The following MIGA1 variants were observed in gnomAD, a reference collection of about 807,000 sequenced individuals.
MIGA1 encodes the protein mitoguardin 1.
Under a neutral mutation model 82.0 loss-of-function variants are expected in MIGA1, and 58 were observed. The observed-to-expected ratio is 0.71, with a 90% CI of 0.57 to 0.88. MIGA1 has a LOEUF of 0.88. Ranked by LOEUF, MIGA1 falls within the 40% of genes least tolerant of loss-of-function variation. The pLI is 0.00. For missense variants in MIGA1, 751 were observed against 749.1 expected, an observed-to-expected ratio of 1.00 and a Z score of -0.03; for synonymous variants, 249 against 253.6, an observed-to-expected ratio of 0.98 and a Z score of 0.17.
intron 5 of MIGA1, chr1:77,811,548 C>T: frequency 6.2e-7 from 1 of 1,607,866 alleles, no homozygotes; most frequent in South Asian, 1.1e-5. Flanking sequence ...ACTGTGTGGA[C>T]TGTAAAGCTG....
intron 8 of MIGA1, chr1:77,847,314 GCTA>G (rs890582368): frequency 1.1e-6 from 1 of 916,140 alleles, no homozygotes; most frequent in African/African-American, 1.6e-5. Context: ...TGCAGAAAAT[GCTA>G]CTGTGTATGA....
At chr1:77,851,259 T>TCTTTTTGAAA (rs1685038574) in intron 8 of MIGA1, among the ~76,000 whole-genome samples, 1 of 152,228 alleles carries the variant, frequency 6.6e-6, no homozygotes, top group Non-Finnish European at 1.5e-5. Flanking sequence ...TGTAAACAAA[T>TCTTTTTGAAA]ATAGTATTAC....
At chr1:77,849,197 C>T (rs1684952448) in intron 8 of MIGA1, among the ~76,000 whole-genome samples, 1 of 152,092 alleles carries the variant, frequency 6.6e-6, no homozygotes. Flanking sequence ...GCCAGGCATT[C>T]AAGACCAGCC....
rs1044079353 is a variant in MIGA1 at position 77,826,689 on chromosome 1, G to A, written c.895+11458G>A. 8.5e-5 allele frequency among the ~76,000 whole-genome samples: 13 copies of A among 152,248 alleles called. No individual in the cohort carries two copies. The East Asian group carries it at 1.7e-3, about 20-fold the overall frequency. Reference sequence around the variant, plus strand: ...CAGGATCTCACTATGTTGCCAGGCTGGTCTCGAGCTCCTGGGCTCAGGCAG... The same window carrying A: ...CAGGATCTCACTATGTTGCCAGGCTAGTCTCGAGCTCCTGGGCTCAGGCAG... On this transcript the variant is annotated intron_variant, in intron 7 of 15. Transcript: ENST00000370791.
chr1:77,861,562 T>C, intron 12 of MIGA1: 1 of 425,110 alleles, frequency 2.4e-6, no homozygotes. Flanking sequence ...CCTCCTGTCC[T>C]CCTTCCCTTG....
intron 2 of MIGA1, among the ~76,000 whole-genome samples, chr1:77,789,103 ATATT>A (rs1682298951): frequency 1.3e-5 from 2 of 150,772 alleles, no homozygotes; most frequent in East Asian, 3.9e-4. Flanking sequence ...GTATATATAT[ATATT>A]TTTAAATTGT....
chr1:77,781,640 G>A (rs770277894), intron 1 of MIGA1, among the ~76,000 whole-genome samples: 68 of 152,224 alleles, frequency 4.5e-4, no homozygotes, highest in Non-Finnish European at 7.8e-4. Flanking sequence ...GGTTTCCTCT[G>A]TACTTTTTAA....
chr1:77,828,449 G>T (rs1356257737), intron 7 of MIGA1, among the ~76,000 whole-genome samples: 1 of 152,170 alleles, frequency 6.6e-6, no homozygotes, highest in Non-Finnish European at 1.5e-5. Context: ...TAGATATTTG[G>T]ATGGATAGAC....
At chr1:77,859,602 A>G (rs1685389406) in intron 10 of MIGA1, 1 of 493,608 alleles carries the variant, frequency 2.0e-6, no homozygotes, top group African/African-American at 1.9e-5. Flanking sequence ...CAGGCCCACG[A>G]CACTTTGTCA....
At chr1:77,874,775 A>G in intron 15 of MIGA1, 71 bp from the exon 16 acceptor site, 1 of 1,059,484 alleles carries the variant, frequency 9.4e-7, no homozygotes, top group Non-Finnish European at 1.4e-6. Context: ...AGTGCTCATT[A>G]TAATATTAGA....
intron 11 of MIGA1, 186 bp downstream of exon 11, chr1:77,860,312 A>C: frequency 2.1e-5 from 11 of 529,010 alleles, no homozygotes; most frequent in East Asian, 6.2e-5. Context: ...GTTGTTTCTC[A>C]TAAATTATTT....
intron 2 of MIGA1, among the ~76,000 whole-genome samples, chr1:77,783,618 TA>T (rs1682017374): frequency 6.6e-6 from 1 of 152,250 alleles, no homozygotes. Context: ...TTCAGTGAAT[TA>T]TGTTATTCCA....
chr1:77,782,946 C>T (rs552362903), intron 1 of MIGA1: 1 of 849,452 alleles, frequency 1.2e-6, no homozygotes, highest in African/African-American at 1.8e-5. Flanking sequence ...AAGAGAGAAT[C>T]TAGAACTCGC....
chr1:77,811,615 G>A (rs1683333383), intron 5 of MIGA1: 1 of 1,612,136 alleles, frequency 6.2e-7, no homozygotes, highest in Non-Finnish European at 8.5e-7. Flanking sequence ...TTGTTCTTCT[G>A]TGAATTCAGA....
At chr1:77,829,889 C>T (rs1314162316) in intron 7 of MIGA1, among the ~76,000 whole-genome samples, 1 of 145,412 alleles carries the variant, frequency 6.9e-6, no homozygotes, top group Non-Finnish European at 1.5e-5. Flanking sequence ...AGCCCCCCCA[C>T]CCCCCACCGT....
intron 2 of MIGA1, 29 bp downstream of exon 2, chr1:77,783,380 A>T: frequency 7.5e-7 from 1 of 1,333,664 alleles, no homozygotes; most frequent in Non-Finnish European, 1.1e-6. Flanking sequence ...CAGGAAGTTG[A>T]ATATTAAGCT....
chr1:77,835,640 G>A (rs981787122), intron 7 of MIGA1, among the ~76,000 whole-genome samples: 6 of 151,902 alleles, frequency 3.9e-5, no homozygotes, highest in African/African-American at 1.5e-4. Flanking sequence ...TTAATTTAGG[G>A]CTGGCTATTA....
At chr1:77,779,948 G>A (rs1681827043) in intron 1 of MIGA1, 2 of 1,367,934 alleles carry the variant, frequency 1.5e-6, no homozygotes, top group Non-Finnish European at 9.4e-7. Flanking sequence ...CATCTCAGAA[G>A]CTAAGCAGGG....
At chr1:77,820,487 A>G (rs1683762001) in intron 7 of MIGA1, among the ~76,000 whole-genome samples, 1 of 152,186 alleles carries the variant, frequency 6.6e-6, no homozygotes, top group South Asian at 2.1e-4. Flanking sequence ...TACCAATTTT[A>G]TAAACTGAGG....
Sources: gnomAD v4.1 joint callset for allele counts (sites outside exome capture counted in the v4.1 genomes callset) on GRCh38, gnomAD v4.1.1 for gene constraint, MANE v1.5 for transcripts, NCBI Gene and HGNC (gene_info 2026-07-23, HGNC 2026-07-21) for gene names.